RAD51D: variants seen among roughly 807,000 people sequenced by gnomAD.
RAD51D encodes DNA repair protein RAD51 homolog 4.
RAD51D carries 38 observed loss-of-function variants against 44.1 expected under a neutral mutation model. That is an observed-to-expected ratio of 0.86 (90% CI 0.67 to 1.13). The LOEUF (loss-of-function observed/expected upper bound fraction) is 1.13. Among genes scored for constraint, RAD51D ranks in the 50% most tolerant of loss-of-function variants. The pLI, the probability that RAD51D is intolerant of heterozygous loss-of-function variation, is 0.00. For missense variants in RAD51D, 390 were observed against 414.0 expected (o/e 0.94, Z 0.50); for synonymous variants, 141 against 166.6 (o/e 0.85, Z 1.18).
At chr17:35,117,101 T>G in intron 3 of RAD51D, 1 of 1,518,488 alleles carries the variant, frequency 6.6e-7, no homozygotes. Context: ...ACTCCCTCCT[T>G]ACCGTTGCCT....
At position 35,103,590 on chromosome 17, in the gene RAD51D, G is replaced by A. The variant is rs2142421651; in HGVS notation, c.577-46C>T. 6.9e-7 allele frequency: 1 copy of A among 1,457,800 alleles called. No homozygotes were observed. Among genetic ancestry groups the A allele is most frequent in the Non-Finnish European group, 9.6e-7 (1 of 1,039,002 alleles). 90.3% of individuals were successfully genotyped at this position (1,457,800 alleles called of 1,614,324 possible). A position where few individuals can be genotyped will look rare whatever the true frequency, so the allele number is the denominator to read the frequency against. ...CACTCATGAACCTGTCAGCCTCTAG[G>A]ACACATTACAGGACAAGCTTGCTTT... On this transcript the variant is annotated intron_variant, in intron 6 of 9. Transcript: ENST00000345365. The surrounding 1 kb of genome is among the most constrained non-coding windows in gnomAD (Gnocchi z 4.1).
Position 35,100,580 on chromosome 17 carries a change from C to T in RAD51D, c.*373G>A, listed in dbSNP as rs28363294. 5,691 of 550,870 alleles carry T rather than the reference C, an allele frequency of 0.01. 40 individuals carry two copies. Among genetic ancestry groups the T allele is most frequent in the Non-Finnish European group, 0.015 (4,263 of 288,464 alleles). The allele number at this position is 550,870 out of a possible 1,614,324, so 34.1% of individuals were successfully genotyped here. Reference sequence around the variant, plus strand: ...CAAGTTAGAGGCTTTCCCGGCTTGGCCACTGCGCTAGGAGGGAGCACAGGA... The same window carrying T: ...CAAGTTAGAGGCTTTCCCGGCTTGGTCACTGCGCTAGGAGGGAGCACAGGA... On this transcript the variant is annotated 3_prime_UTR_variant, in exon 10 of 10. Coordinates refer to ENST00000345365, the MANE Select transcript of RAD51D (RefSeq NM_002878.4).
chr17:35,096,154 C>T lies in RAD51D; in HGVS notation c.*4799G>A, dbSNP rs1567722656. ...TAAAAGTCAATTACAATCTGCAAAA[C>T]TATATTTGCTTTAATTTTGTCTTTT... On this transcript the variant is annotated 3_prime_UTR_variant, in exon 10 of 10. Transcript: ENST00000345365. 6.6e-6 allele frequency: 1 copy of T among 152,182 alleles called. No individual in the cohort carries two copies. The highest frequency in any genetic ancestry group is 1.9e-4 in the East Asian group (1 of 5,196). 9.4% of individuals were successfully genotyped at this position (152,182 alleles called of 1,614,324 possible).
At chr17:35,117,417 C>T (rs1370109126) in intron 3 of RAD51D, among the ~76,000 whole-genome samples, 4 of 152,208 alleles carry the variant, frequency 2.6e-5, no homozygotes, top group Non-Finnish European at 5.9e-5. Flanking sequence ...GGAAAAAGGT[C>T]AAGACTCACT....
chr17:35,106,021 T>C (rs1297076013), intron 6 of RAD51D: 2 of 452,642 alleles, frequency 4.4e-6, no homozygotes, highest in Admixed American at 2.4e-5. Context: ...CCTGATAGCA[T>C]GGACCTGCCA....
chr17:35,099,867 G>A lies in RAD51D; in HGVS notation c.*1086C>T, dbSNP rs148926048. The A allele has an allele frequency of 3.1e-5, 16 of 511,852 alleles. No homozygotes were observed. The highest frequency in any genetic ancestry group is 2.0e-4 in the Admixed American group (9 of 44,242). 31.7% of individuals were successfully genotyped at this position (511,852 alleles called of 1,614,324 possible). A position where few individuals can be genotyped will look rare whatever the true frequency, so the allele number is the denominator to read the frequency against. ...CCAGCCAGGGTCATGGCTCTCAGAC[G>A]GATGGCCACAGTGCTGGTGAAAGAC... On this transcript the variant is annotated 3_prime_UTR_variant, in exon 10 of 10. Transcript: ENST00000345365.
chr17:35,116,012 A>T (rs2091741271), intron 3 of RAD51D, among the ~76,000 whole-genome samples: 1 of 151,002 alleles, frequency 6.6e-6, no homozygotes. Context: ...AAAGAAAGAA[A>T]GGCTAGAAAC....
rs925450854 is a variant in RAD51D, at chr17:35,117,082, C to T, written c.263+1419G>A. On this transcript the variant is annotated intron_variant, in intron 3 of 9. Coordinates refer to ENST00000345365, the MANE Select transcript of RAD51D (RefSeq NM_002878.4). The stretch of plus-strand genomic sequence containing the variant: ...CCTAAGCCCAAGGCCAATCGGCTTC[C>T]TGTTCACCACTCCCTCCTTACCGTT... 7 of 1,567,880 alleles carry T rather than the reference C, an allele frequency of 4.5e-6. No individual in the cohort carries two copies. In the East Asian group the frequency reaches 1.6e-4, roughly 35 times the overall value.
intron 3 of RAD51D, among the ~76,000 whole-genome samples, chr17:35,112,305 T>C (rs138177018): frequency 5.8e-4 from 88 of 152,294 alleles, no homozygotes; most frequent in African/African-American, 2.1e-3. Context: ...CTCGATCTCC[T>C]GACCTTGTGA....
In RAD51D at chr17:35,119,687, G is replaced by T; in HGVS notation, c.-74C>A. Reference sequence around the variant, plus strand: ...CATTCGCGGGGGGTCCTCTCCAGACGCCCCTCCCCTACCCCTTCCTAGAGA... The same window carrying T: ...CATTCGCGGGGGGTCCTCTCCAGACTCCCCTCCCCTACCCCTTCCTAGAGA... On this transcript the variant is annotated 5_prime_UTR_variant, in exon 1 of 10. Transcript: ENST00000345365. 6.9e-7 allele frequency: 1 copy of T among 1,452,062 alleles called. No individual in the cohort carries two copies. Among genetic ancestry groups the T allele is most frequent in the Non-Finnish European group, 9.6e-7 (1 of 1,045,272 alleles). 89.9% of individuals were successfully genotyped at this position (1,452,062 alleles called of 1,614,324 possible).
rs145397692 is a variant in RAD51D at position 35,116,685 on chromosome 17, G to A, written c.263+1816C>T. On this transcript the variant is annotated intron_variant, in intron 3 of 9. Coordinates refer to ENST00000345365, the MANE Select transcript of RAD51D (RefSeq NM_002878.4). ...AATATTTTGTACTTTTAGTAGAGAC[G>A]GGGTTTTACCGTGTTAGCCAGGACA... is the stretch of plus-strand genomic sequence containing the variant. Among the ~76,000 whole-genome samples the A allele has an allele frequency of 8.2e-3, 1,248 of 152,062 alleles. 20 individuals are homozygous for A. Among genetic ancestry groups the A allele is most frequent in the African/African-American group, 0.029 (1,182 of 41,464 alleles).
rs912726873 is a variant in RAD51D, at chr17:35,119,657, G to A, written c.-44C>T. On this transcript the variant is annotated 5_prime_UTR_variant, in exon 1 of 10. The change creates a new upstream start codon in the 5' untranslated region. Coordinates refer to ENST00000345365, the MANE Select transcript of RAD51D (RefSeq NM_002878.4). ...CAGCCCCAGGGGGACTGCACGTCAC[G>A]TGGGCATTCGCGGGGGGTCCTCTCC... The A allele has an allele frequency of 3.8e-6, 6 of 1,596,288 alleles. No individual in the cohort carries two copies. The Admixed American group carries it at 5.0e-5, about 13-fold the overall frequency.
chr17:35,107,054 A>G lies in RAD51D; in HGVS notation c.414T>C (p.Asn138=), dbSNP rs1555568320. 2 of 1,614,078 alleles carry G rather than the reference A, an allele frequency of 1.2e-6. No individual in the cohort carries two copies. Among genetic ancestry groups the G allele is most frequent in the South Asian group, 1.1e-5 (1 of 91,088 alleles). ...GGAGGCGGGAAGCTGTCAGCCCTCC[A>G]TTGGAATCTACATATAGGACGTTTT... The part of the protein sequence containing the change: ...LQQNVLYVDS[N]GGLTASRLLQ... The change falls in exon 5 of 10, where the codon AAT becomes AAC. Residue 138 remains asparagine (N), a synonymous_variant. Transcript: ENST00000345365.
chr17:35,104,422 CT>C (rs2091574914), intron 6 of RAD51D, among the ~76,000 whole-genome samples: 2 of 152,350 alleles, frequency 1.3e-5, no homozygotes, highest in Non-Finnish European at 2.9e-5. Flanking sequence ...GTCACCCAGG[CT>C]GGAGTGCAGT....
rs28363291 is a variant in RAD51D, at chr17:35,100,848, G to A, written c.*105C>T. 18 of 945,386 alleles carry A rather than the reference G, an allele frequency of 1.9e-5. No individual in the cohort carries two copies. The highest frequency in any genetic ancestry group is 3.1e-4 in the Middle Eastern group (1 of 3,190). The allele number at this position is 945,386 out of a possible 1,614,324, so 58.6% of individuals were successfully genotyped here. A position where few individuals can be genotyped will look rare whatever the true frequency, so the allele number is the denominator to read the frequency against. ...TGTCTCTTCTGGCCAGCCTGAGAAC[G>A]TCTGTAGTCACCAGTGCCAGGTGGC... On this transcript the variant is annotated 3_prime_UTR_variant, in exon 10 of 10. Transcript: ENST00000345365.
chr17:35,112,840 G>C lies in RAD51D; in HGVS notation c.264-5393C>G, dbSNP rs373751092. Among the ~76,000 whole-genome samples the C allele has an allele frequency of 3.3e-5, 5 of 152,212 alleles. No homozygotes were observed. The East Asian group carries it at 9.6e-4, about 29-fold the overall frequency. The stretch of plus-strand genomic sequence containing the variant: ...GTTTGTCTTGCTCATCTAGCTGAGA[G>C]CACCATGGGGCAAGGACTGGGTCCG... On this transcript the variant is annotated intron_variant, in intron 3 of 9. Coordinates refer to ENST00000345365, the MANE Select transcript of RAD51D (RefSeq NM_002878.4).
intron 2 of RAD51D, among the ~76,000 whole-genome samples, 181 bp from the exon 3 acceptor site, chr17:35,118,800 T>C (rs1451549984): frequency 6.6e-6 from 1 of 152,194 alleles, no homozygotes; most frequent in African/African-American, 2.4e-5. Context: ...TGGAGTGCAG[T>C]AGCACGATCT....
chr17:35,100,383 C>T lies in RAD51D; in HGVS notation c.*570G>A, dbSNP rs1320563612. ...GGGGAAATCAGGTGGCTCTAGGGCT[C>T]GGGGAATTGCCTTTTTATATTTTTA... On this transcript the variant is annotated 3_prime_UTR_variant, in exon 10 of 10. Transcript: ENST00000345365. 8 of 533,884 alleles carry T rather than the reference C, an allele frequency of 1.5e-5. No homozygotes were observed. The highest frequency in any genetic ancestry group is 3.1e-5 in the South Asian group (2 of 65,174). 33.1% of individuals were successfully genotyped at this position (533,884 alleles called of 1,614,324 possible). A position where few individuals can be genotyped will look rare whatever the true frequency, so the allele number is the denominator to read the frequency against.
chr17:35,114,108 T>C (rs1045603038), intron 3 of RAD51D, among the ~76,000 whole-genome samples: 3 of 151,856 alleles, frequency 2.0e-5, no homozygotes, highest in Non-Finnish European at 2.9e-5. Context: ...CCGTCTCTAC[T>C]AAAAATACAA....
Sources: allele counts gnomAD v4.1 joint callset (sites outside exome capture counted in the v4.1 genomes callset), GRCh38; gene constraint gnomAD v4.1.1; non-coding constraint Gnocchi (gnomAD v3.1); transcripts MANE v1.5; gene names NCBI Gene and HGNC (gene_info 2026-07-23, HGNC 2026-07-21).